The following PALM2AKAP2 variants were observed in gnomAD, a reference collection of about 807,000 sequenced individuals.
PALM2AKAP2 encodes PALM2-AKAP2 fusion protein.
Under a neutral mutation model 71.5 loss-of-function variants are expected in PALM2AKAP2, and 37 were observed. That is an observed-to-expected ratio of 0.52 (90% CI 0.40 to 0.68). The LOEUF (loss-of-function observed/expected upper bound fraction) is 0.68, where lower values mean the gene tolerates loss of function less well. PALM2AKAP2 is among the 30% of genes least tolerant of loss of function. PALM2AKAP2 has a pLI of 0.00. For missense variants in PALM2AKAP2, 1,224 were observed against 1,191.8 expected (o/e 1.03, Z -0.40); for synonymous variants, 468 against 478.8 (o/e 0.98, Z 0.29).
intron 1 of PALM2AKAP2, among the ~76,000 whole-genome samples, chr9:110,106,508 G>A (rs1027152623): frequency 6.6e-6 from 1 of 152,160 alleles, no homozygotes; most frequent in Non-Finnish European, 1.5e-5. Context: ...TCCCTTTTAG[G>A]TAGAGGGAAG....
intron 3 of PALM2AKAP2, among the ~76,000 whole-genome samples, chr9:110,167,412 C>A: frequency 6.6e-6 from 1 of 152,342 alleles, no homozygotes; most frequent in African/African-American, 2.4e-5. Context: ...TTGTTTTCTG[C>A]ATGGTCATGA....
At chr9:110,143,921 G>A (rs185281441) in intron 2 of PALM2AKAP2, among the ~76,000 whole-genome samples, 158 of 152,348 alleles carry the variant, frequency 1.0e-3, no homozygotes, top group Non-Finnish European at 1.8e-3. Flanking sequence ...TGTACAGGAA[G>A]TGTTGACTTC....
At chr9:109,736,237 A>G (rs954669203) in intron 1 of PALM2AKAP2, among the ~76,000 whole-genome samples, 4 of 152,242 alleles carry the variant, frequency 2.6e-5, no homozygotes, top group African/African-American at 9.6e-5. Flanking sequence ...TACTATAAAT[A>G]CATATAATTT....
In PALM2AKAP2 at chr9:109,693,939, G is replaced by T. The variant is rs905289195; in HGVS notation, c.5+53073G>T. On this transcript the variant is annotated intron_variant, in intron 1 of 6. Transcript: ENST00000374531. ...AGTAGTGTGTTCTTTACCACAACAG[G>T]TTTCCTTTATTCATTCCACATCACT... Among the ~76,000 whole-genome samples, 4 of 151,874 alleles carry T rather than the reference G, an allele frequency of 2.6e-5. No individual in the cohort carries two copies. The East Asian group carries it at 7.7e-4, about 29-fold the overall frequency.
chr9:109,662,127 C>T (rs1450594767), intron 1 of PALM2AKAP2, among the ~76,000 whole-genome samples: 2 of 152,154 alleles, frequency 1.3e-5, no homozygotes, highest in African/African-American at 2.4e-5. Flanking sequence ...GACAATTTGA[C>T]TTCCTCTTTT....
At chr9:109,938,083 G>C (rs1217774989) in intron 6 of PALM2AKAP2, among the ~76,000 whole-genome samples, 2 of 152,134 alleles carry the variant, frequency 1.3e-5, no homozygotes, top group African/African-American at 4.8e-5. Context: ...AAGTAGAAGA[G>C]TTTTTAAAAT....
intron 2 of PALM2AKAP2, among the ~76,000 whole-genome samples, chr9:110,153,139 A>T (rs1194694018): frequency 6.6e-6 from 1 of 152,296 alleles, no homozygotes; most frequent in African/African-American, 2.4e-5. Flanking sequence ...TGCTCAAGGG[A>T]TGAAATCATC....
intron 6 of PALM2AKAP2, among the ~76,000 whole-genome samples, chr9:110,003,490 A>G (rs917032259): frequency 6.6e-5 from 10 of 152,166 alleles, no homozygotes; most frequent in Admixed American, 5.2e-4. Context: ...GTGGTGCTGA[A>G]AAGAATGTAC....
At chr9:110,096,855 T>C (rs1834853571) in intron 1 of PALM2AKAP2, among the ~76,000 whole-genome samples, 1 of 152,178 alleles carries the variant, frequency 6.6e-6, no homozygotes, top group African/African-American at 2.4e-5. Context: ...ATTGATATTT[T>C]TATTCATAGC....
chr9:109,984,352 G>C (rs761496884), intron 6 of PALM2AKAP2, among the ~76,000 whole-genome samples: 2 of 151,926 alleles, frequency 1.3e-5, no homozygotes, highest in Non-Finnish European at 2.9e-5. Context: ...TAGTATTAAA[G>C]AATTTATGCT....
chr9:110,140,158 CATGGATTCCTGTGATATTCA>C (rs1284879948), intron 2 of PALM2AKAP2, among the ~76,000 whole-genome samples: 20 of 152,328 alleles, frequency 1.3e-4, no homozygotes, highest in South Asian at 4.1e-4. Flanking sequence ...GGTATGATCT[CATGGATTCCTGTGATATTCA>C]ATGGATTCCT....
chr9:109,958,145 G>GA (rs78227165), intron 6 of PALM2AKAP2, among the ~76,000 whole-genome samples: 15,338 of 142,574 alleles, frequency 0.11, 839 homozygotes, highest in East Asian at 0.17. Context: ...GCAGTTGATT[G>GA]AAAAAAAAAA....
intron 7 of PALM2AKAP2, among the ~76,000 whole-genome samples, chr9:110,019,618 A>G (rs1833037810): frequency 6.6e-6 from 1 of 152,252 alleles, no homozygotes; most frequent in Admixed American, 6.5e-5. Context: ...ACATAGTCAT[A>G]TAAATAATGA....
chr9:110,059,622 G>C (rs1564284099), intron 1 of PALM2AKAP2, among the ~76,000 whole-genome samples: 1 of 152,188 alleles, frequency 6.6e-6, no homozygotes, highest in Non-Finnish European at 1.5e-5. Context: ...GGAGGTGGGG[G>C]CAGTGACCGG....
At chr9:109,909,486 A>G (rs1830522873) in intron 3 of PALM2AKAP2, among the ~76,000 whole-genome samples, 2 of 152,248 alleles carry the variant, frequency 1.3e-5, no homozygotes, top group East Asian at 3.8e-4. Context: ...TCAATGAGGC[A>G]GGTTCCTTGC....
intron 3 of PALM2AKAP2, among the ~76,000 whole-genome samples, chr9:109,882,315 A>C (rs1390418346): frequency 1.3e-5 from 2 of 152,258 alleles, no homozygotes; most frequent in African/African-American, 2.4e-5. Flanking sequence ...TCCCAAAGGC[A>C]TACGTCAGCC....
intron 5 of PALM2AKAP2, among the ~76,000 whole-genome samples, chr9:109,930,951 T>A (rs1263863739): frequency 6.6e-6 from 1 of 152,138 alleles, no homozygotes; most frequent in Non-Finnish European, 1.5e-5. Flanking sequence ...TTGAGGTGAT[T>A]GTGGGATATT....
At chr9:109,981,158 G>A (rs983657425) in intron 6 of PALM2AKAP2, among the ~76,000 whole-genome samples, 1 of 152,180 alleles carries the variant, frequency 6.6e-6, no homozygotes, top group South Asian at 2.1e-4. Context: ...ACAGTAAAAA[G>A]TGGACTGACC....
chr9:110,157,250 T>C (rs1316140604), intron 3 of PALM2AKAP2, among the ~76,000 whole-genome samples: 2 of 151,456 alleles, frequency 1.3e-5, no homozygotes, highest in African/African-American at 4.8e-5. Context: ...TTAGCACATA[T>C]TGAAGTCATC....
Sources: allele counts gnomAD v4.1 joint callset (sites outside exome capture counted in the v4.1 genomes callset), GRCh38; gene constraint gnomAD v4.1.1; transcripts MANE v1.5; gene names NCBI Gene and HGNC (gene_info 2026-07-23, HGNC 2026-07-21).